Variants in MKX observed in about 807,000 individuals in gnomAD.
The protein encoded by MKX is homeobox protein Mohawk.
A neutral mutation model predicts 36.0 loss-of-function variants in MKX; 13 were observed. The observed-to-expected ratio is 0.36, with a 90% CI of 0.24 to 0.57. The LOEUF (loss-of-function observed/expected upper bound fraction) is 0.57. MKX is among the 20% of genes least tolerant of loss of function. The pLI is 0.79. For synonymous variants in MKX, 176 were observed against 178.3 expected (o/e 0.99, Z 0.10); for missense variants, 458 against 456.4 (o/e 1.00, Z -0.03).
At position 27,744,413 on chromosome 10, in the gene MKX, G is replaced by A. The variant is rs544075680; in HGVS notation, c.-82-916C>T. Reference sequence around the variant, plus strand: ...CAAGGCAGGAGGCAGCTTGGTCGGCGCACCTCCCGGGCCACTGCTGCCACT... The same window carrying A: ...CAAGGCAGGAGGCAGCTTGGTCGGCACACCTCCCGGGCCACTGCTGCCACT... On this transcript the variant is annotated intron_variant, in intron 1 of 6. Transcript: ENST00000419761. The surrounding 1 kb of genome is among the most constrained non-coding windows in gnomAD (Gnocchi z 5.6). Among the ~76,000 whole-genome samples, 3 of 152,218 alleles carry A rather than the reference G, an allele frequency of 2.0e-5. No individual in the cohort carries two copies. The highest frequency in any genetic ancestry group is 4.1e-4 in the South Asian group (2 of 4,826).
Position 27,736,627 on chromosome 10 carries a change from C to T in MKX, c.349-1253G>A, listed in dbSNP as rs528055012. On this transcript the variant is annotated intron_variant, in intron 3 of 6. Coordinates refer to ENST00000419761, the MANE Select transcript of MKX (RefSeq NM_173576.3). ...AATGGTTTGTGTGGCAATGTTTGCACTGGAAATTTCTACTTTTTTTTTTCT... is the reference window on the plus strand; with the variant it reads ...AATGGTTTGTGTGGCAATGTTTGCATTGGAAATTTCTACTTTTTTTTTTCT... Among the ~76,000 whole-genome samples the T allele has an allele frequency of 3.7e-4, 56 of 151,644 alleles. 1 individual carries two copies. The highest frequency in any genetic ancestry group is 1.3e-3 in the African/African-American group (54 of 41,364).
chr10:27,675,353 A>G lies in MKX; in HGVS notation c.935T>C (p.Met312Thr), dbSNP rs1208773995. 1.1e-5 allele frequency: 18 copies of G among 1,614,100 alleles called. No individual in the cohort carries two copies. The highest frequency in any genetic ancestry group is 1.4e-5 in the Non-Finnish European group (17 of 1,180,052). The change falls in exon 7 of 7, where the codon ATG becomes ACG. Residue 312 changes from methionine (M) to threonine (T), a missense_variant. Met to Thr is a moderately conservative substitution (Grantham distance 81, BLOSUM62 -1). This residue lies in a region of MKX where 297 missense variants were observed against 304.4 expected (regional missense o/e 0.98). Transcript: ENST00000419761. Reference sequence around the variant, plus strand: ...TCCCTGTGCAAGATTTGTTAAGGCCATAGCTGCGTTGATCTCCTTCCAATA... The same window carrying G: ...TCCCTGTGCAAGATTTGTTAAGGCCGTAGCTGCGTTGATCTCCTTCCAATA... ...DTYWKEINAA[M>T]ALTNLAQGKD... is the part of the protein sequence containing the mutation.
chr10:27,741,238 C>G lies in MKX; in HGVS notation c.348+107G>C. ...GAAACTCCCACAGCTCGGCTCCATC[C>G]CTCTCCAGGTAGAAGCGCCACGTGG... On this transcript the variant is annotated intron_variant, in intron 3 of 6. Coordinates refer to ENST00000419761, the MANE Select transcript of MKX (RefSeq NM_173576.3). The surrounding 1 kb of genome is among the most constrained non-coding windows in gnomAD (Gnocchi z 5.1). 1 of 1,412,960 alleles carries G rather than the reference C, an allele frequency of 7.1e-7. No homozygotes were observed. Among genetic ancestry groups the G allele is most frequent in the Non-Finnish European group, 9.8e-7 (1 of 1,018,022 alleles). 87.5% of individuals were successfully genotyped at this position (1,412,960 alleles called of 1,614,324 possible). A position where few individuals can be genotyped will look rare whatever the true frequency, so the allele number is the denominator to read the frequency against.
chr10:27,728,932 G>A (rs918770141), intron 5 of MKX, among the ~76,000 whole-genome samples: 3 of 152,112 alleles, frequency 2.0e-5, no homozygotes, highest in South Asian at 2.1e-4. Context: ...TTGTTCTCTC[G>A]TTTTGTTCCA....
chr10:27,720,855 G>C (rs1271376135), intron 5 of MKX, among the ~76,000 whole-genome samples: 2 of 152,066 alleles, frequency 1.3e-5, no homozygotes, highest in Non-Finnish European at 2.9e-5. Flanking sequence ...ATCTGAAGAT[G>C]AGATACTTGT....
At chr10:27,732,249 T>C (rs1834647464) in intron 5 of MKX, among the ~76,000 whole-genome samples, 2 of 152,174 alleles carry the variant, frequency 1.3e-5, no homozygotes, top group South Asian at 2.1e-4. Context: ...AATTACTTCT[T>C]CAAAGTTTGA....
At chr10:27,703,202 CA>C (rs1285345139) in intron 5 of MKX, among the ~76,000 whole-genome samples, 1 of 152,140 alleles carries the variant, frequency 6.6e-6, no homozygotes, top group Admixed American at 6.5e-5. Flanking sequence ...AAAGGAATAA[CA>C]AGGAACTCTT....
At chr10:27,681,000 C>T (rs140032691) in intron 5 of MKX, among the ~76,000 whole-genome samples, 50 of 152,288 alleles carry the variant, frequency 3.3e-4, no homozygotes, top group African/African-American at 1.1e-3. Flanking sequence ...TACAGTTGTG[C>T]GCCACCTAAC....
rs543555810 is a variant in MKX, at chr10:27,717,094, T to A, written c.838+17362A>T. Among the ~76,000 whole-genome samples the A allele has an allele frequency of 1.1e-4, 16 of 152,056 alleles. No individual in the cohort carries two copies. The East Asian group carries it at 3.1e-3, about 29-fold the overall frequency. The stretch of plus-strand genomic sequence containing the variant: ...AAGGGAGTTGGGCAGCCTCTAGAAA[T>A]TGAGAGGCAAGGAAATGTGGGTCTC... On this transcript the variant is annotated intron_variant, in intron 5 of 6. Transcript: ENST00000419761.
In MKX at chr10:27,673,541, C is replaced by A. The variant is rs1050188314; in HGVS notation, c.*1688G>T. 4 of 152,358 alleles carry A rather than the reference C, an allele frequency of 2.6e-5. No homozygotes were observed. Among genetic ancestry groups the A allele is most frequent in the Non-Finnish European group, 5.9e-5 (4 of 67,950 alleles). The allele number at this position is 152,358 out of a possible 1,614,324, so 9.4% of individuals were successfully genotyped here. On this transcript the variant is annotated 3_prime_UTR_variant, in exon 7 of 7. Transcript: ENST00000419761. ...TCTCTAACTATTTAAGGATGCAAAC[C>A]AAAAGAACTCATACTTCATCTGATC...
At position 27,743,218 on chromosome 10, in the gene MKX, G is replaced by A; in HGVS notation, c.188+10C>T. On this transcript the variant is annotated intron_variant, in intron 2 of 6. Transcript: ENST00000419761. ...GCAGGCGGGCAGGGCCCCCAGGGGA[G>A]TGCGCATACCCGGTCCTCCGGTGTC... is the stretch of plus-strand genomic sequence containing the variant. 6.8e-7 allele frequency: 1 copy of A among 1,475,992 alleles called. No homozygotes were observed. Among genetic ancestry groups the A allele is most frequent in the Non-Finnish European group, 8.9e-7 (1 of 1,118,194 alleles). The allele number at this position is 1,475,992 out of a possible 1,614,324, so 91.4% of individuals were successfully genotyped here.
At chr10:27,681,751 C>T (rs1195310834) in intron 5 of MKX, among the ~76,000 whole-genome samples, 1 of 152,048 alleles carries the variant, frequency 6.6e-6, no homozygotes, top group African/African-American at 2.4e-5. Flanking sequence ...GAAACCCTGT[C>T]TCTACTAAAA....
chr10:27,711,495 CTT>C (rs1836864977), intron 5 of MKX, among the ~76,000 whole-genome samples: 17 of 32,862 alleles, frequency 5.2e-4, no homozygotes, highest in Non-Finnish European at 1.0e-3. Flanking sequence ...CTCTCTCTCT[CTT>C]CTTTCCTTCC....
chr10:27,738,283 ATAGT>A (rs1369430283), intron 3 of MKX, among the ~76,000 whole-genome samples: 6 of 152,112 alleles, frequency 3.9e-5, no homozygotes, highest in Admixed American at 2.6e-4. Flanking sequence ...CAAACAGCAA[ATAGT>A]TAGTTAACAA....
chr10:27,743,058 G>A (rs1478023645), intron 2 of MKX, among the ~76,000 whole-genome samples, 170 bp downstream of exon 2: 1 of 152,204 alleles, frequency 6.6e-6, no homozygotes, highest in African/African-American at 2.4e-5. Flanking sequence ...TAAGATAGGA[G>A]CCCCTTAACA....
At chr10:27,711,657 G>A (rs558872082) in intron 5 of MKX, among the ~76,000 whole-genome samples, 25 of 149,778 alleles carry the variant, frequency 1.7e-4, no homozygotes, top group Non-Finnish European at 2.5e-4. Context: ...CTGCAGCTTC[G>A]AACTCCTGGG....
chr10:27,719,283 G>C (rs941136751), intron 5 of MKX, among the ~76,000 whole-genome samples: 1 of 152,160 alleles, frequency 6.6e-6, no homozygotes, highest in African/African-American at 2.4e-5. Flanking sequence ...AGACCGTGGA[G>C]AGTGTGAGCT....
intron 5 of MKX, among the ~76,000 whole-genome samples, chr10:27,731,239 C>A (rs965194684): frequency 3.3e-5 from 5 of 151,468 alleles, no homozygotes; most frequent in African/African-American, 1.2e-4. Flanking sequence ...AGTTCAAAAT[C>A]TTTGTACTAC....
At position 27,741,671 on chromosome 10, in the gene MKX, A is replaced by G. The variant is rs1834901873; in HGVS notation, c.189-167T>C. On this transcript the variant is annotated intron_variant, in intron 2 of 6. Coordinates refer to ENST00000419761, the MANE Select transcript of MKX (RefSeq NM_173576.3). The surrounding 1 kb of genome is among the most constrained non-coding windows in gnomAD (Gnocchi z 5.1). ...TTGGGAGAGGCAGGAAGTGGGAGCC[A>G]CACAGTTTCTGGATGGGGAGATCAT... is the stretch of plus-strand genomic sequence containing the variant. Among the ~76,000 whole-genome samples, 1 of 152,216 alleles carries G rather than the reference A, an allele frequency of 6.6e-6. No homozygotes were observed. The highest frequency in any genetic ancestry group is 2.1e-4 in the South Asian group (1 of 4,834).
Sources: allele counts gnomAD v4.1 joint callset (sites outside exome capture counted in the v4.1 genomes callset), GRCh38; gene constraint gnomAD v4.1.1; regional missense constraint gnomAD v4.1.1; non-coding constraint Gnocchi (gnomAD v3.1); transcripts MANE v1.5; gene names NCBI Gene and HGNC (gene_info 2026-07-23, HGNC 2026-07-21).